The following CTNND2 variants were observed in gnomAD, a reference collection of about 807,000 sequenced individuals.
CTNND2 encodes the protein catenin delta-2.
CTNND2 carries 22 observed loss-of-function variants against 144.4 expected under a neutral mutation model. That is an observed-to-expected ratio of 0.15 (90% CI 0.11 to 0.22). The LOEUF is 0.22. CTNND2 is among the 10% of genes least tolerant of loss of function. The pLI, the probability that CTNND2 is intolerant of heterozygous loss-of-function variation, is 1.00. For synonymous variants in CTNND2, 751 were observed against 695.6 expected (o/e 1.08, Z -1.25); for missense variants, 1,353 against 1,618.8 (o/e 0.84, Z 2.82).
intron 16 of CTNND2, among the ~76,000 whole-genome samples, chr5:11,076,884 A>G (rs910087898): frequency 3.4e-4 from 52 of 152,352 alleles, no homozygotes; most frequent in African/African-American, 1.2e-3. Context: ...GAAGAATTCT[A>G]TTTTAAACTG....
chr5:11,103,849 G>C (rs1752154733), intron 14 of CTNND2, among the ~76,000 whole-genome samples: 1 of 152,038 alleles, frequency 6.6e-6, no homozygotes, highest in South Asian at 2.1e-4. Flanking sequence ...CAATTTACAA[G>C]ACTCTTCTCT....
At chr5:10,997,821 A>G (rs1186783953) in intron 18 of CTNND2, among the ~76,000 whole-genome samples, 1 of 152,264 alleles carries the variant, frequency 6.6e-6, no homozygotes, top group South Asian at 2.1e-4. Flanking sequence ...AAAGGTGAAC[A>G]AGGTACTTTA....
At chr5:11,481,403 TAA>T (rs540252359) in intron 3 of CTNND2, among the ~76,000 whole-genome samples, 5 of 152,112 alleles carry the variant, frequency 3.3e-5, no homozygotes, top group African/African-American at 1.2e-4. Flanking sequence ...AACAATAAAA[TAA>T]AAGAGAACTC....
At chr5:11,645,233 T>C (rs150500678) in intron 2 of CTNND2, among the ~76,000 whole-genome samples, 403 of 152,170 alleles carry the variant, frequency 2.6e-3, no homozygotes, top group African/African-American at 9.0e-3. Context: ...TCCCAAAATA[T>C]TGGGATTACA....
intron 1 of CTNND2, among the ~76,000 whole-genome samples, chr5:11,770,351 G>C (rs941566466): frequency 6.7e-6 from 1 of 149,848 alleles, no homozygotes; most frequent in Non-Finnish European, 1.5e-5. Context: ...GAATATATAA[G>C]GATCCTGAAA....
intron 15 of CTNND2, among the ~76,000 whole-genome samples, chr5:11,097,998 T>C (rs1024498): frequency 0.32 from 48,408 of 152,104 alleles, 7,822 homozygotes; most frequent in Non-Finnish European, 0.35. Flanking sequence ...GGAACAGTGT[T>C]AGTTTATAAG....
intron 3 of CTNND2, among the ~76,000 whole-genome samples, chr5:11,443,556 A>G (rs1046566279): frequency 4.6e-5 from 7 of 151,976 alleles, no homozygotes; most frequent in Admixed American, 1.3e-4. Flanking sequence ...TTCTTTCAAA[A>G]TGTTATCTTT....
At chr5:11,557,129 A>T (rs1314450180) in intron 3 of CTNND2, among the ~76,000 whole-genome samples, 1 of 152,230 alleles carries the variant, frequency 6.6e-6, no homozygotes, top group Non-Finnish European at 1.5e-5. Context: ...AAACTTTAAT[A>T]ATTCAGCTTT....
intron 2 of CTNND2, among the ~76,000 whole-genome samples, chr5:11,653,070 CG>C (rs1782725651): frequency 2.8e-5 from 4 of 143,502 alleles, no homozygotes; most frequent in African/African-American, 1.1e-4. Context: ...GAACAAAATT[CG>C]TGTGTGTGTG....
chr5:11,657,554 T>G (rs1782979636), intron 2 of CTNND2, among the ~76,000 whole-genome samples: 1 of 152,132 alleles, frequency 6.6e-6, no homozygotes, highest in African/African-American at 2.4e-5. Flanking sequence ...TCAAAGTGTC[T>G]CAGGTTTTAT....
intron 1 of CTNND2, among the ~76,000 whole-genome samples, chr5:11,842,694 G>A (rs1030898226): frequency 2.7e-5 from 4 of 149,834 alleles, no homozygotes; most frequent in Admixed American, 2.6e-4. Context: ...ACTCCAGCCT[G>A]GGTGACAGAG....
chr5:11,700,685 T>C (rs919432283), intron 2 of CTNND2, among the ~76,000 whole-genome samples: 2 of 152,174 alleles, frequency 1.3e-5, no homozygotes, highest in Non-Finnish European at 2.9e-5. Flanking sequence ...AATAGAGCAC[T>C]AGTTGAATAG....
chr5:11,443,344 A>G lies in CTNND2; in HGVS notation c.288-31275T>C, dbSNP rs1473022325. On this transcript the variant is annotated intron_variant, in intron 3 of 21. Transcript: ENST00000304623. The stretch of plus-strand genomic sequence containing the variant: ...GCATGTGTGTGTGGTGTGTGTGGGG[A>G]GTGTGTGGGAGGGTGTGTGGGGGGG... Among the ~76,000 whole-genome samples the G allele has an allele frequency of 2.7e-3, 66 of 24,172 alleles. 2 individuals carry two copies. Among genetic ancestry groups the G allele is most frequent in the African/African-American group, 0.01 (50 of 4,934 alleles). The allele number at this position is 24,172 out of a possible 152,430, so 15.9% of individuals were successfully genotyped here.
chr5:11,038,374 T>C (rs1292539550), intron 16 of CTNND2, among the ~76,000 whole-genome samples: 2 of 152,200 alleles, frequency 1.3e-5, no homozygotes, highest in Admixed American at 1.3e-4. Flanking sequence ...ACAATGCATG[T>C]GAAGGAGCTA....
intron 3 of CTNND2, among the ~76,000 whole-genome samples, chr5:11,449,722 T>A (rs1581221888): frequency 6.6e-6 from 1 of 152,372 alleles, no homozygotes; most frequent in African/African-American, 2.4e-5. Context: ...TATTTCTATA[T>A]GAAATTTTAT....
intron 2 of CTNND2, among the ~76,000 whole-genome samples, chr5:11,713,608 A>T (rs1010066251): frequency 2.0e-5 from 3 of 147,586 alleles, no homozygotes; most frequent in Admixed American, 1.3e-4. Flanking sequence ...AAAAAAAAAT[A>T]CCATATATAT....
At chr5:11,120,434 GTC>G (rs1215932040) in intron 12 of CTNND2, among the ~76,000 whole-genome samples, 1 of 152,192 alleles carries the variant, frequency 6.6e-6, no homozygotes, top group Non-Finnish European at 1.5e-5. Flanking sequence ...TTATCATACT[GTC>G]TGCAGGGGTG....
chr5:11,830,333 A>C (rs1793828650), intron 1 of CTNND2, among the ~76,000 whole-genome samples: 1 of 152,168 alleles, frequency 6.6e-6, no homozygotes, highest in Non-Finnish European at 1.5e-5. Flanking sequence ...TGATTGTGTC[A>C]CCACCCAACA....
intron 3 of CTNND2, among the ~76,000 whole-genome samples, chr5:11,510,686 T>G (rs1448730308): frequency 6.6e-6 from 1 of 152,108 alleles, no homozygotes; most frequent in Non-Finnish European, 1.5e-5. Context: ...ATCCCAGCAC[T>G]TTGGGAGGCC....
Sources: allele counts gnomAD v4.1 joint callset (sites outside exome capture counted in the v4.1 genomes callset), GRCh38; gene constraint gnomAD v4.1.1; transcripts MANE v1.5; gene names NCBI Gene and HGNC (gene_info 2026-07-23, HGNC 2026-07-21).